Variants in CHL1 observed in about 807,000 individuals in gnomAD.
The protein encoded by CHL1 is cell adhesion molecule L1 like, also known as neural cell adhesion molecule L1-like protein.
In CHL1, 96 loss-of-function variants were observed where a neutral mutation model predicts 141.9. That is an observed-to-expected ratio of 0.68 (90% CI 0.57 to 0.80). The LOEUF (loss-of-function observed/expected upper bound fraction) is 0.80, where lower values mean the gene tolerates loss of function less well. Ranked by LOEUF, CHL1 falls within the 30% of genes least tolerant of loss-of-function variation. The pLI is 0.00. For missense variants in CHL1, 1,820 were observed against 1,457.2 expected (o/e 1.25, Z -4.05); for synonymous variants, 613 against 502.2 (o/e 1.22, Z -2.95).
rs79329895 is a variant in CHL1 at position 381,505 on chromosome 3, G to T, written c.1877-674G>T. Among the ~76,000 whole-genome samples, 274 of 152,280 alleles carry T rather than the reference G, an allele frequency of 1.8e-3. 2 individuals are homozygous for T. Among genetic ancestry groups the T allele is most frequent in the African/African-American group, 6.1e-3 (253 of 41,564 alleles). ...AAAAGCAGGAGTAAATTTCAGGAGA[G>T]CAAATGCTATAGGCAAAATAGTAAA... is the stretch of plus-strand genomic sequence containing the variant. On this transcript the variant is annotated intron_variant, in intron 16 of 27. Coordinates refer to ENST00000256509, the MANE Select transcript of CHL1 (RefSeq NM_006614.4).
chr3:236,717 T>C (rs2125067693), intron 1 of CHL1, among the ~76,000 whole-genome samples: 1 of 145,520 alleles, frequency 6.9e-6, no homozygotes, highest in South Asian at 2.1e-4. Flanking sequence ...TTTATTTCAG[T>C]CTATCTATTC....
chr3:353,573 A>G (rs1703449384), intron 10 of CHL1, among the ~76,000 whole-genome samples: 1 of 150,668 alleles, frequency 6.6e-6, no homozygotes, highest in Non-Finnish European at 1.5e-5. Flanking sequence ...TCTCACTTGG[A>G]CTTGAACTTG....
At chr3:337,901 C>T (rs1702041673) in intron 5 of CHL1, among the ~76,000 whole-genome samples, 1 of 152,144 alleles carries the variant, frequency 6.6e-6, no homozygotes, top group Non-Finnish European at 1.5e-5. Context: ...AATGGGATGG[C>T]TGGGTCAAAT....
intron 16 of CHL1, 77 bp from the exon 17 acceptor site, chr3:382,102 A>C: frequency 8.3e-7 from 1 of 1,203,120 alleles, no homozygotes; most frequent in Non-Finnish European, 1.2e-6. Flanking sequence ...GTCTCCGGGT[A>C]GCTGGCAATG....
At chr3:267,706 C>T (rs767795735) in intron 2 of CHL1, among the ~76,000 whole-genome samples, 3 of 152,138 alleles carry the variant, frequency 2.0e-5, no homozygotes, top group Non-Finnish European at 2.9e-5. Flanking sequence ...CATTGATGCT[C>T]TCCACTAAAT....
intron 2 of CHL1, among the ~76,000 whole-genome samples, chr3:318,005 C>T (rs1575052199): frequency 2.0e-5 from 3 of 151,864 alleles, no homozygotes; most frequent in Admixed American, 6.6e-5. Context: ...TTTTCCAATT[C>T]CCATTTTAAG....
chr3:360,740 CCT>C (rs1173439352), intron 12 of CHL1, among the ~76,000 whole-genome samples: 12 of 125,518 alleles, frequency 9.6e-5, no homozygotes, highest in Non-Finnish European at 1.3e-4. Context: ...TCCCGCCCCC[CCT>C]CCCCCCACCC....
At chr3:234,066 T>C (rs936406356) in intron 1 of CHL1, among the ~76,000 whole-genome samples, 1 of 152,068 alleles carries the variant, frequency 6.6e-6, no homozygotes, top group Admixed American at 6.6e-5. Flanking sequence ...CATACACATA[T>C]CTGTATGTGT....
At chr3:375,979 T>C (rs1045422022) in intron 15 of CHL1, among the ~76,000 whole-genome samples, 20 of 152,242 alleles carry the variant, frequency 1.3e-4, no homozygotes, top group Admixed American at 7.8e-4. Flanking sequence ...ATACCGCAGA[T>C]GAAGGAGTCG....
intron 1 of CHL1, among the ~76,000 whole-genome samples, chr3:206,283 C>T (rs1398802682): frequency 6.6e-6 from 1 of 151,844 alleles, no homozygotes; most frequent in African/African-American, 2.4e-5. Context: ...GCCTGGCCAA[C>T]ATGGTGAAAC....
intron 2 of CHL1, among the ~76,000 whole-genome samples, chr3:275,808 T>C (rs1696041898): frequency 1.3e-5 from 2 of 152,166 alleles, no homozygotes; most frequent in East Asian, 3.8e-4. Flanking sequence ...AAAAGAATGC[T>C]AGTGCAAAGA....
At chr3:271,536 A>G (rs1695636026) in intron 2 of CHL1, among the ~76,000 whole-genome samples, 1 of 152,256 alleles carries the variant, frequency 6.6e-6, no homozygotes, top group African/African-American at 2.4e-5. Context: ...GTATCCAAAG[A>G]GAATTTCTCG....
At chr3:212,236 A>G (rs11917787) in intron 1 of CHL1, among the ~76,000 whole-genome samples, 19,400 of 152,092 alleles carry the variant, frequency 0.13, 1,564 homozygotes, top group East Asian at 0.4. Flanking sequence ...CTGGAACCCA[A>G]TCAATTCTCA....
chr3:391,243 A>G (rs1708205020), intron 22 of CHL1, 84 bp downstream of exon 22: 1 of 1,099,526 alleles, frequency 9.1e-7, no homozygotes, highest in East Asian at 2.4e-5. Context: ...GGCCAGGCAC[A>G]GTGGCTCATG....
chr3:372,727 A>G (rs1416307539), intron 15 of CHL1, among the ~76,000 whole-genome samples: 1 of 151,454 alleles, frequency 6.6e-6, no homozygotes, highest in African/African-American at 2.4e-5. Context: ...ATCTTCATAA[A>G]TTTGTCTTCC....
chr3:266,424 T>G (rs1175512689), intron 2 of CHL1, among the ~76,000 whole-genome samples: 1 of 152,170 alleles, frequency 6.6e-6, no homozygotes, highest in Non-Finnish European at 1.5e-5. Flanking sequence ...TTTGAAGGTC[T>G]GGCTGCACAA....
At chr3:287,860 G>A (rs750450476) in intron 2 of CHL1, among the ~76,000 whole-genome samples, 2 of 152,092 alleles carry the variant, frequency 1.3e-5, no homozygotes, top group African/African-American at 2.4e-5. Context: ...CCGCCTCCCG[G>A]GTTGAAGCGA....
At chr3:368,612 A>G (rs1575185381) in intron 15 of CHL1, among the ~76,000 whole-genome samples, 1 of 152,014 alleles carries the variant, frequency 6.6e-6, no homozygotes, top group African/African-American at 2.4e-5. Context: ...TCCCATTTGT[A>G]AATTCTGGCT....
chr3:398,436 A>G, intron 25 of CHL1, 51 bp downstream of exon 25: 1 of 1,211,542 alleles, frequency 8.3e-7, no homozygotes, highest in Non-Finnish European at 1.2e-6. Flanking sequence ...TATGTCCTGT[A>G]GAATACTTAG....
Sources: allele counts gnomAD v4.1 joint callset (sites outside exome capture counted in the v4.1 genomes callset), GRCh38; gene constraint gnomAD v4.1.1; transcripts MANE v1.5; gene names NCBI Gene and HGNC (gene_info 2026-07-23, HGNC 2026-07-21).